Variants in SOX5 observed in about 807,000 individuals in gnomAD.
SOX5 encodes the protein transcription factor SOX-5.
Under a neutral mutation model 92.0 loss-of-function variants are expected in SOX5, and 9 were observed. The observed-to-expected ratio is 0.10, with a 90% CI of 0.06 to 0.17. SOX5 has a LOEUF of 0.17. Ranked by LOEUF, SOX5 falls within the 10% of genes least tolerant of loss-of-function variation. The pLI, the probability that SOX5 is intolerant of heterozygous loss-of-function variation, is 1.00. For missense variants in SOX5, 642 were observed against 944.5 expected (o/e 0.68, Z 4.20); for synonymous variants, 344 against 336.3 (o/e 1.02, Z -0.25).
Position 23,592,894 on chromosome 12 carries a change from C to T in SOX5, c.1164+11493G>A, listed in dbSNP as rs566700330. ...AGGAGTTGGAGACCAGCCTGACCAACATGGTGAAACCCCATCTCTACTAAA... is the reference window on the plus strand; with the variant it reads ...AGGAGTTGGAGACCAGCCTGACCAATATGGTGAAACCCCATCTCTACTAAA... On this transcript the variant is annotated intron_variant, in intron 9 of 14. Coordinates refer to ENST00000451604, the MANE Select transcript of SOX5 (RefSeq NM_006940.6). 3.3e-5 allele frequency among the ~76,000 whole-genome samples: 5 copies of T among 152,222 alleles called. No homozygotes were observed. The East Asian group carries it at 9.7e-4, about 29-fold the overall frequency.
At chr12:24,281,257 A>AG (rs1945165440) in intron 2 of SOX5, among the ~76,000 whole-genome samples, 1 of 150,084 alleles carries the variant, frequency 6.7e-6, no homozygotes, top group Non-Finnish European at 1.5e-5. Context: ...AAAAAAAAAA[A>AG]CTGTTGTTCT....
At chr12:24,170,955 G>A (rs575968971) in intron 4 of SOX5, among the ~76,000 whole-genome samples, 67 of 152,226 alleles carry the variant, frequency 4.4e-4, no homozygotes, top group African/African-American at 1.6e-3. Flanking sequence ...ATGTGGCTTA[G>A]CAAATAGCTA....
At chr12:23,825,254 C>T (rs1594803453) in intron 3 of SOX5, among the ~76,000 whole-genome samples, 2 of 152,186 alleles carry the variant, frequency 1.3e-5, no homozygotes, top group African/African-American at 4.8e-5. Flanking sequence ...CTGCAGGTTG[C>T]GAAGACCATG....
intron 6 of SOX5, among the ~76,000 whole-genome samples, chr12:23,704,585 T>C (rs772140566): frequency 4.6e-5 from 7 of 150,600 alleles, no homozygotes; most frequent in Non-Finnish European, 8.9e-5. Flanking sequence ...GACATATTAA[T>C]CCAACTGACA....
At chr12:23,768,328 G>T (rs539194334) in intron 3 of SOX5, among the ~76,000 whole-genome samples, 34 of 151,948 alleles carry the variant, frequency 2.2e-4, no homozygotes, top group African/African-American at 8.0e-4. Flanking sequence ...GAAACTCAAA[G>T]GTGTTTATAC....
intron 4 of SOX5, among the ~76,000 whole-genome samples, chr12:24,134,131 A>G (rs983729825): frequency 6.6e-6 from 1 of 152,198 alleles, no homozygotes; most frequent in Non-Finnish European, 1.5e-5. Flanking sequence ...ATGCAGGTGA[A>G]GAAACATTAA....
intron 4 of SOX5, among the ~76,000 whole-genome samples, chr12:24,036,158 CA>C (rs1956015590): frequency 6.6e-6 from 1 of 152,068 alleles, no homozygotes; most frequent in African/African-American, 2.4e-5. Flanking sequence ...GTTAGCAACA[CA>C]AATACTGTAA....
chr12:24,470,473 G>A (rs7299191), intron 1 of SOX5, among the ~76,000 whole-genome samples: 44,411 of 151,028 alleles, frequency 0.29, 6,615 homozygotes, highest in Middle Eastern at 0.35. Flanking sequence ...TAAAGATCAC[G>A]GAAACACTTA....
intron 3 of SOX5, among the ~76,000 whole-genome samples, chr12:23,759,030 GACACACACACAC>G (rs61575999): frequency 5.5e-4 from 81 of 146,274 alleles, no homozygotes; most frequent in African/African-American, 1.1e-3. Context: ...CACACACACA[GACACACACACAC>G]ACACACACAC....
At chr12:23,714,881 T>TCTATGCATATAGTAAGGTACAC (rs1286387364) in intron 6 of SOX5, among the ~76,000 whole-genome samples, 4 of 152,210 alleles carry the variant, frequency 2.6e-5, no homozygotes, top group African/African-American at 4.8e-5. Context: ...TGATCAAATT[T>TCTATGCATATAGTAAGGTACAC]CTATGCATAT....
chr12:23,846,173 A>C lies in SOX5; in HGVS notation c.291T>G (p.Val97=). 1 of 1,613,900 alleles carries C rather than the reference A, an allele frequency of 6.2e-7. No individual in the cohort carries two copies. ...AGTTGTGTGGGGCAAATGAAGACATAACTTTATTGCCATCAACTTCCTGAA... is the reference window on the plus strand; with the variant it reads ...AGTTGTGTGGGGCAAATGAAGACATCACTTTATTGCCATCAACTTCCTGAA... ...HNTMEVDGNK[V]MSSFAPHNSS... is the part of the protein sequence containing the mutation. The change falls in exon 3 of 15, where the codon GTT becomes GTG. Residue 97 remains valine (V), a synonymous_variant. Transcript: ENST00000451604.
At chr12:23,598,935 TG>T (rs1952959284) in intron 9 of SOX5, among the ~76,000 whole-genome samples, 1 of 152,230 alleles carries the variant, frequency 6.6e-6, no homozygotes, top group East Asian at 1.9e-4. Context: ...GATTATCCTC[TG>T]ATTTCTCGTA....
At chr12:23,829,673 A>C (rs1340386880) in intron 3 of SOX5, among the ~76,000 whole-genome samples, 4 of 152,174 alleles carry the variant, frequency 2.6e-5, no homozygotes, top group Admixed American at 2.6e-4. Context: ...AAGTACCAGA[A>C]ATGCTTGGGT....
At chr12:23,770,147 G>A (rs1214330716) in intron 3 of SOX5, among the ~76,000 whole-genome samples, 1 of 138,960 alleles carries the variant, frequency 7.2e-6, no homozygotes, top group Non-Finnish European at 1.5e-5. Flanking sequence ...GTCCTGTCAT[G>A]TTTTCAGAAC....
intron 3 of SOX5, among the ~76,000 whole-genome samples, chr12:23,758,458 T>C (rs2094468068): frequency 6.6e-6 from 1 of 151,860 alleles, no homozygotes; most frequent in South Asian, 2.1e-4. Context: ...AGCTACTATT[T>C]AGAGGGCTAA....
intron 1 of SOX5, among the ~76,000 whole-genome samples, chr12:24,384,743 C>T (rs1035535835): frequency 3.9e-5 from 6 of 152,082 alleles, no homozygotes; most frequent in South Asian, 2.1e-4. Context: ...AGGACATGAA[C>T]GGAAATGAGT....
At chr12:24,155,499 G>A (rs1048481410) in intron 4 of SOX5, among the ~76,000 whole-genome samples, 11 of 151,846 alleles carry the variant, frequency 7.2e-5, no homozygotes, top group African/African-American at 2.4e-4. Flanking sequence ...TTGCTCCCAC[G>A]AAAAAAACCT....
chr12:23,785,883 T>A (rs1280686255), intron 3 of SOX5, among the ~76,000 whole-genome samples: 2 of 152,102 alleles, frequency 1.3e-5, no homozygotes, highest in Admixed American at 6.5e-5. Context: ...TTTTTTAGAT[T>A]TTTTTCATGG....
intron 4 of SOX5, among the ~76,000 whole-genome samples, chr12:23,972,246 A>G (rs752267475): frequency 6.6e-6 from 1 of 152,348 alleles, no homozygotes; most frequent in Middle Eastern, 3.4e-3. Flanking sequence ...AGGAGTCAGA[A>G]GCTGAGCATA....
Sources: allele counts gnomAD v4.1 joint callset (sites outside exome capture counted in the v4.1 genomes callset), GRCh38; gene constraint gnomAD v4.1.1; transcripts MANE v1.5; gene names NCBI Gene and HGNC (gene_info 2026-07-23, HGNC 2026-07-21).